PLCE1: variants seen among roughly 807,000 people sequenced by gnomAD.
PLCE1 encodes the protein phospholipase C epsilon 1.
Under a neutral mutation model 242.8 loss-of-function variants are expected in PLCE1, and 119 were observed. The ratio of observed to expected loss-of-function variants is 0.49; its 90% CI spans 0.42 to 0.57. The LOEUF is 0.57. Among genes scored for constraint, PLCE1 ranks in the 20% least tolerant of loss-of-function variants. The pLI, the probability that PLCE1 is intolerant of heterozygous loss-of-function variation, is 0.00. For missense variants in PLCE1, 2,441 were observed against 2,788.8 expected, an observed-to-expected ratio of 0.88 and a Z score of 2.81; for synonymous variants, 945 against 1,017.4, an observed-to-expected ratio of 0.93 and a Z score of 1.35.
intron 24 of PLCE1, among the ~76,000 whole-genome samples, chr10:94,299,185 A>C (rs893389518): frequency 6.6e-6 from 1 of 152,220 alleles, no homozygotes; most frequent in African/African-American, 2.4e-5. Flanking sequence ...ACATGAACAG[A>C]GTAAGTAGTG....
intron 1 of PLCE1, among the ~76,000 whole-genome samples, chr10:94,008,286 T>C (rs951993667): frequency 2.0e-5 from 3 of 151,872 alleles, no homozygotes; most frequent in African/African-American, 7.3e-5. Flanking sequence ...AAAACCTGCT[T>C]TCTGGGTACA....
Position 94,258,662 on chromosome 10 carries a change from A to G in PLCE1, c.3555-138A>G, listed in dbSNP as rs993037294. The G allele has an allele frequency of 5.5e-6, 5 of 914,990 alleles. No homozygotes were observed. The African/African-American group carries it at 8.2e-5, about 15-fold the overall frequency. The allele number at this position is 914,990 out of a possible 1,614,324, so 56.7% of individuals were successfully genotyped here. On this transcript the variant is annotated intron_variant, in intron 11 of 32. Transcript: ENST00000371380. ...TATAGGTTAAGAGATGTGAAAAGAG[A>G]GTACTGGAAAATAGCTTCAATCTTA...
Position 94,327,974 on chromosome 10 carries a change from A to ATCTT in PLCE1, c.*33_*36dup, listed in dbSNP as rs775922374. 3.8e-6 allele frequency: 2 copies of ATCTT among 532,744 alleles called. No homozygotes were observed. The highest frequency in any genetic ancestry group is 5.4e-5 in the East Asian group (1 of 18,360). The allele number at this position is 532,744 out of a possible 1,614,324, so 33.0% of individuals were successfully genotyped here. A position where few individuals can be genotyped will look rare whatever the true frequency, so the allele number is the denominator to read the frequency against. ...TCTGTATACAACATTACAGGTGAAGATCTTTAAGCAAGAAGTTAAAGAGTG... is the reference window on the plus strand; with the variant it reads ...TCTGTATACAACATTACAGGTGAAGATCTTTCTTTAAGCAAGAAGTTAAAGAGTG... On this transcript the variant is annotated 3_prime_UTR_variant, in exon 33 of 33. Transcript: ENST00000371380.
intron 4 of PLCE1, among the ~76,000 whole-genome samples, chr10:94,208,017 G>A (rs911937440): frequency 1.3e-5 from 2 of 152,154 alleles, no homozygotes; most frequent in African/African-American, 2.4e-5. Flanking sequence ...TCACCATTTG[G>A]TAGCTGTCAT....
chr10:94,027,557 C>T (rs1204432928), intron 1 of PLCE1, among the ~76,000 whole-genome samples: 1 of 152,200 alleles, frequency 6.6e-6, no homozygotes, highest in Non-Finnish European at 1.5e-5. Context: ...CTTGGTGGCT[C>T]ATGCCTGTAA....
intron 2 of PLCE1, among the ~76,000 whole-genome samples, chr10:94,049,132 G>T (rs2043691366): frequency 6.6e-6 from 1 of 151,812 alleles, no homozygotes; most frequent in Admixed American, 6.6e-5. Context: ...TATTTTAATT[G>T]TCTTTTCTTT....
chr10:94,018,000 G>A (rs1269818860), intron 1 of PLCE1, among the ~76,000 whole-genome samples: 1 of 152,126 alleles, frequency 6.6e-6, no homozygotes, highest in Non-Finnish European at 1.5e-5. Flanking sequence ...TTTCTTTTAT[G>A]TTTATCTCGT....
intron 14 of PLCE1, among the ~76,000 whole-genome samples, chr10:94,263,982 C>T (rs2051410389): frequency 6.6e-6 from 1 of 152,096 alleles, no homozygotes. Context: ...AATGAACATG[C>T]ACTAGTTCCT....
At chr10:94,218,231 T>A (rs1047014108) in intron 4 of PLCE1, among the ~76,000 whole-genome samples, 2 of 152,182 alleles carry the variant, frequency 1.3e-5, no homozygotes, top group East Asian at 3.8e-4. Flanking sequence ...TTAATGGAGT[T>A]CTAGAATAAG....
chr10:94,324,759 A>T, intron 31 of PLCE1, 133 bp from the exon 32 acceptor site: 1 of 1,012,304 alleles, frequency 9.9e-7, no homozygotes, highest in Non-Finnish European at 1.5e-6. Context: ...AAGCAGTCCT[A>T]GAGGGGAGCT....
At chr10:94,122,064 G>A (rs1446936375) in intron 2 of PLCE1, among the ~76,000 whole-genome samples, 1 of 152,138 alleles carries the variant, frequency 6.6e-6, no homozygotes, top group East Asian at 1.9e-4. Flanking sequence ...CACCTGTTGG[G>A]GACACACAGA....
At chr10:94,317,300 T>C (rs553885768) in intron 29 of PLCE1, among the ~76,000 whole-genome samples, 1 of 152,292 alleles carries the variant, frequency 6.6e-6, no homozygotes, top group Admixed American at 6.5e-5. Flanking sequence ...AATAAACTAT[T>C]CCATTTTAAA....
chr10:94,231,150 A>G (rs2050131041), intron 5 of PLCE1, among the ~76,000 whole-genome samples: 1 of 152,218 alleles, frequency 6.6e-6, no homozygotes, highest in Admixed American at 6.5e-5. Context: ...AATCATAAAG[A>G]TGAATAAAAG....
intron 7 of PLCE1, among the ~76,000 whole-genome samples, chr10:94,239,268 G>A (rs1213194852): frequency 6.6e-6 from 1 of 152,200 alleles, no homozygotes; most frequent in Non-Finnish European, 1.5e-5. Context: ...TCAAGGGAGA[G>A]ACCAGGTGGA....
intron 3 of PLCE1, among the ~76,000 whole-genome samples, chr10:94,161,107 T>C (rs1468578347): frequency 6.6e-6 from 1 of 152,248 alleles, no homozygotes; most frequent in South Asian, 2.1e-4. Flanking sequence ...TTTGGTTCCA[T>C]ATGAACTTTA....
chr10:94,149,748 T>C (rs1385270771), intron 3 of PLCE1, among the ~76,000 whole-genome samples: 1 of 152,178 alleles, frequency 6.6e-6, no homozygotes. Context: ...TTTGATTCTC[T>C]TTGGCGCCCA....
intron 3 of PLCE1, among the ~76,000 whole-genome samples, chr10:94,137,556 A>G (rs2046822631): frequency 6.6e-6 from 1 of 152,246 alleles, no homozygotes; most frequent in African/African-American, 2.4e-5. Flanking sequence ...TAATAAATTG[A>G]GTGTGTTAAA....
intron 1 of PLCE1, among the ~76,000 whole-genome samples, chr10:94,005,909 T>G (rs2061027664): frequency 6.6e-6 from 1 of 152,194 alleles, no homozygotes; most frequent in African/African-American, 2.4e-5. Context: ...GGGACTTTTG[T>G]TGGTTGTTCA....
intron 19 of PLCE1, among the ~76,000 whole-genome samples, 155 bp downstream of exon 19, chr10:94,273,875 A>G (rs1298082116): frequency 6.6e-6 from 1 of 152,238 alleles, no homozygotes; most frequent in African/African-American, 2.4e-5. Context: ...TTTTCATTCC[A>G]TAGACCAATA....
Sources: gnomAD v4.1 joint callset for allele counts (sites outside exome capture counted in the v4.1 genomes callset) on GRCh38, gnomAD v4.1.1 for gene constraint, MANE v1.5 for transcripts, NCBI Gene and HGNC (gene_info 2026-07-23, HGNC 2026-07-21) for gene names.